LRTM3: variants seen among roughly 807,000 people sequenced by gnomAD.
LRTM3 encodes the protein leucine rich repeat transmembrane protein 3, also known as leucine-rich repeat transmembrane protein 3.
the LRTM3 span, chr13:102,746,512 AG>A: frequency 1.2e-5 from 18 of 1,550,942 alleles, no homozygotes; most frequent in Non-Finnish European, 1.5e-5. Context: ...TTTTAAACTT[AG>A]TCTTAAAGTC....
At chr13:102,738,822 T>C in the LRTM3 span, 1 of 1,550,342 alleles carries the variant, frequency 6.5e-7, no homozygotes, top group Non-Finnish European at 8.7e-7. Context: ...TCCTGAATCT[T>C]TCCTCCTTTT....
the LRTM3 span, chr13:102,741,131 T>G: frequency 1.4e-5 from 21 of 1,549,072 alleles, no homozygotes; most frequent in Non-Finnish European, 1.8e-5. Flanking sequence ...CAGAATATTC[T>G]CTTTATTCTG....
At chr13:102,732,142 A>G in the LRTM3 span, 1 of 1,551,178 alleles carries the variant, frequency 6.4e-7, no homozygotes, top group African/African-American at 1.4e-5. Context: ...TGTCTCTCTT[A>G]GACATTTCAC....
At chr13:102,737,916 T>A in the LRTM3 span, 1 of 1,550,896 alleles carries the variant, frequency 6.4e-7, no homozygotes, top group Non-Finnish European at 8.7e-7. Context: ...TCCTGTTCAT[T>A]CTTGTCTCCA....
chr13:102,729,670 T>G, the LRTM3 span: 1 of 1,551,342 alleles, frequency 6.4e-7, no homozygotes, highest in Admixed American at 2.0e-5. Flanking sequence ...GGTTTTGTTT[T>G]CTTTCAGAAT....
chr13:102,742,486 C>G, the LRTM3 span: 1 of 1,549,968 alleles, frequency 6.5e-7, no homozygotes, highest in South Asian at 1.2e-5. Flanking sequence ...TAAATTCTTT[C>G]TTGTTTTCAA....
the LRTM3 span, chr13:102,743,485 C>A: frequency 6.5e-7 from 1 of 1,548,880 alleles, no homozygotes; most frequent in Non-Finnish European, 8.7e-7. Flanking sequence ...TTTTATGTAT[C>A]TGTGAAATTG....
the LRTM3 span, chr13:102,748,386 T>C: frequency 2.6e-6 from 4 of 1,551,070 alleles, no homozygotes; most frequent in Non-Finnish European, 1.7e-6. Context: ...CCTGGGGAAA[T>C]GAGCAAACCG....
the LRTM3 span, chr13:102,748,597 T>G: frequency 6.4e-7 from 1 of 1,550,776 alleles, no homozygotes; most frequent in Admixed American, 2.0e-5. Flanking sequence ...AGGAAACAAG[T>G]TTCTGCATAG....
chr13:102,754,449 T>C, the LRTM3 span, among the ~76,000 whole-genome samples: 1 of 152,132 alleles, frequency 6.6e-6, no homozygotes, highest in African/African-American at 2.4e-5. Context: ...CAGCAATGCC[T>C]GACACAGAGT....
At chr13:102,740,008 A>T in the LRTM3 span, 1 of 1,550,458 alleles carries the variant, frequency 6.4e-7, no homozygotes, top group East Asian at 2.4e-5. Context: ...CTTTCCTAAT[A>T]ACTTGTTCTA....
At chr13:102,757,338 G>A in the LRTM3 span, among the ~76,000 whole-genome samples, 8 of 138,640 alleles carry the variant, frequency 5.8e-5, no homozygotes, top group Admixed American at 2.1e-4. Flanking sequence ...GAAATTAGAC[G>A]AACATCAAGT....
the LRTM3 span, chr13:102,742,218 C>A: frequency 1.3e-6 from 2 of 1,550,488 alleles, no homozygotes; most frequent in Non-Finnish European, 1.7e-6. Flanking sequence ...CCTCTCAGTT[C>A]TTTTTTATTG....
At chr13:102,743,175 G>A in the LRTM3 span, 4 of 1,550,590 alleles carry the variant, frequency 2.6e-6, no homozygotes. Context: ...TCTCTATCAT[G>A]TAGTTTTGCT....
the LRTM3 span, among the ~76,000 whole-genome samples, chr13:102,753,476 C>A: frequency 6.9e-6 from 1 of 144,274 alleles, no homozygotes; most frequent in Non-Finnish European, 1.5e-5. Flanking sequence ...ATATGTATCC[C>A]AGAACTTAAA....
chr13:102,740,634 A>G, the LRTM3 span: 1 of 1,548,660 alleles, frequency 6.5e-7, no homozygotes, highest in East Asian at 2.4e-5. Context: ...AAATAGTCAT[A>G]ATGTGGAATA....
At chr13:102,749,443 A>G in the LRTM3 span, 22 of 1,551,322 alleles carry the variant, frequency 1.4e-5, no homozygotes, top group African/African-American at 2.3e-4. Context: ...CAGCATTCTT[A>G]AAAATAGTGT....
chr13:102,730,055 T>G, the LRTM3 span: 4 of 1,551,362 alleles, frequency 2.6e-6, no homozygotes, highest in African/African-American at 1.4e-5. Flanking sequence ...TGATGAACTA[T>G]GACACAACCA....
chr13:102,732,927 G>A, the LRTM3 span: 1 of 1,551,464 alleles, frequency 6.4e-7, no homozygotes, highest in South Asian at 1.2e-5. Flanking sequence ...AAAGTCCAGG[G>A]AGGGAATAGG....
Sources: allele counts gnomAD v4.1 joint callset (sites outside exome capture counted in the v4.1 genomes callset), GRCh38; gene constraint gnomAD v4.1.1; transcripts MANE v1.5; gene names NCBI Gene and HGNC (gene_info 2026-07-23, HGNC 2026-07-21).